Variants in PRPH observed in about 807,000 individuals in gnomAD.
PRPH encodes the protein peripherin, also known as neurofilament 4 (57kD).
In PRPH, 48 loss-of-function variants were observed where a neutral mutation model predicts 52.6. The ratio of observed to expected loss-of-function variants is 0.91; its 90% CI spans 0.72 to 1.16. PRPH has a LOEUF of 1.16. Ranked by LOEUF, PRPH falls within the 50% of genes most tolerant of loss-of-function variation. PRPH has a pLI of 0.00. For missense variants in PRPH, 579 were observed against 635.7 expected (o/e 0.91, Z 0.96); for synonymous variants, 279 against 283.8 (o/e 0.98, Z 0.17).
At position 49,298,270 on chromosome 12, in the gene PRPH, A is replaced by G. The variant is rs1943216328; in HGVS notation, c.1348-18A>G. 4 of 1,613,968 alleles carry G rather than the reference A, an allele frequency of 2.5e-6. No homozygotes were observed. Among genetic ancestry groups the G allele is most frequent in the Non-Finnish European group, 3.4e-6 (4 of 1,179,932 alleles). On this transcript the variant is annotated intron_variant, in intron 8 of 8. Coordinates refer to ENST00000257860, the MANE Select transcript of PRPH (RefSeq NM_006262.4). ...GCGCTGAATGGCTTGTGCCCATCAT[A>G]TGCCCTGTCCCCAGCAGGTGGTGAC...
Position 49,297,354 on chromosome 12 carries a change from C to T in PRPH, c.997-3C>T. The T allele has an allele frequency of 6.2e-7, 1 of 1,613,706 alleles. No individual in the cohort carries two copies. On this transcript the variant is annotated splice_polypyrimidine_tract_variant and splice_region_variant and intron_variant, in intron 5 of 8. Coordinates refer to ENST00000257860, the MANE Select transcript of PRPH (RefSeq NM_006262.4). The surrounding 1 kb of genome is among the most constrained non-coding windows in gnomAD (Gnocchi z 4.4). ...ACTGGCCCCTTCCACTCTCCTACCC[C>T]AGAACGAGGCGCTGCTCAGGCAGTT... is the stretch of plus-strand genomic sequence containing the variant.
At position 49,296,328 on chromosome 12, in the gene PRPH, G is replaced by A. The variant is rs1592296691; in HGVS notation, c.606+90G>A. On this transcript the variant is annotated intron_variant, in intron 2 of 8. Transcript: ENST00000257860. The surrounding 1 kb of genome is among the most constrained non-coding windows in gnomAD (Gnocchi z 5.1). Reference sequence around the variant, plus strand: ...GTGGCATCGGTGGGCGCGGGGAGAAGGGGGTAACCCAGATGCCTCCTGAGG... The same window carrying A: ...GTGGCATCGGTGGGCGCGGGGAGAAAGGGGTAACCCAGATGCCTCCTGAGG... 3 of 1,570,494 alleles carry A rather than the reference G, an allele frequency of 1.9e-6. No individual in the cohort carries two copies. Among genetic ancestry groups the A allele is most frequent in the East Asian group, 2.3e-5 (1 of 44,380 alleles).
rs1472154789 is a variant in PRPH at position 49,296,777 on chromosome 12, C to G, written c.703-112C>G. Reference sequence around the variant, plus strand: ...GCGCAGGGCTGTACGCCCTGCCCTCCCTGGCGCCCACTTCTGTTCGTTCAA... The same window carrying G: ...GCGCAGGGCTGTACGCCCTGCCCTCGCTGGCGCCCACTTCTGTTCGTTCAA... On this transcript the variant is annotated intron_variant, in intron 3 of 8. Transcript: ENST00000257860. This position sits in a 1 kb window ranked among gnomAD's most constrained non-coding sequence, Gnocchi z 5.1. 6.7e-7 allele frequency: 1 copy of G among 1,493,258 alleles called. No individual in the cohort carries two copies. The highest frequency in any genetic ancestry group is 9.0e-7 in the Non-Finnish European group (1 of 1,105,450). 92.5% of individuals were successfully genotyped at this position (1,493,258 alleles called of 1,614,324 possible). A position where few individuals can be genotyped will look rare whatever the true frequency, so the allele number is the denominator to read the frequency against.
rs374136491 is a variant in PRPH, at chr12:49,297,035, G to A, written c.849G>A (p.Ala283=). The A allele has an allele frequency of 1.4e-5, 22 of 1,613,750 alleles. No homozygotes were observed. Among genetic ancestry groups the A allele is most frequent in the Non-Finnish European group, 1.7e-5 (20 of 1,179,966 alleles). The stretch of plus-strand genomic sequence containing the variant: ...TCGCCGCGAAGAACCTGCAGGAGGC[G>A]GAGGAGTGGTACAAGTCCAAGGTGC... ...ESIAAKNLQE[A]EEWYKSKYAD... The change falls in exon 4 of 9, where the codon GCG becomes GCA. Residue 283 remains alanine (A), a synonymous_variant. Coordinates refer to ENST00000257860, the MANE Select transcript of PRPH (RefSeq NM_006262.4). The surrounding 1 kb of genome is among the most constrained non-coding windows in gnomAD (Gnocchi z 4.4).
intron 8 of PRPH, 109 bp from the exon 9 acceptor site, chr12:49,298,179 C>A: frequency 6.7e-7 from 1 of 1,489,806 alleles, no homozygotes; most frequent in Non-Finnish European, 9.3e-7. Flanking sequence ...GATAGATAAC[C>A]AGGAGCCTCT....
At position 49,297,347 on chromosome 12, in the gene PRPH, C is replaced by T. The variant is rs375933306; in HGVS notation, c.997-10C>T. The T allele has an allele frequency of 1.5e-5, 24 of 1,613,594 alleles. No individual in the cohort carries two copies. The highest frequency in any genetic ancestry group is 5.3e-5 in the African/African-American group (4 of 74,934). On this transcript the variant is annotated splice_polypyrimidine_tract_variant and intron_variant, in intron 5 of 8. Transcript: ENST00000257860. The surrounding 1 kb of genome is among the most constrained non-coding windows in gnomAD (Gnocchi z 4.4). The stretch of plus-strand genomic sequence containing the variant: ...TTCTGCAACTGGCCCCTTCCACTCT[C>T]CTACCCCAGAACGAGGCGCTGCTCA...
intron 1 of PRPH, 168 bp downstream of exon 1, chr12:49,295,913 T>C: frequency 6.9e-7 from 1 of 1,441,250 alleles, no homozygotes; most frequent in East Asian, 2.5e-5. Flanking sequence ...GGGCTCCAAG[T>C]GCCCCCCGCT....
Position 49,297,282 on chromosome 12 carries a change from G to C in PRPH, c.996+9G>C. The C allele has an allele frequency of 6.2e-7, 1 of 1,613,834 alleles. No individual in the cohort carries two copies. Among genetic ancestry groups the C allele is most frequent in the Non-Finnish European group, 8.5e-7 (1 of 1,179,960 alleles). ...ACGGGCTGCGCGGCACGGTGAGTAC[G>C]AAGCTGCGCGCTCGGGCCCGGGGAG... On this transcript the variant is annotated intron_variant, in intron 5 of 8. Transcript: ENST00000257860. The surrounding 1 kb of genome is among the most constrained non-coding windows in gnomAD (Gnocchi z 4.4).
Position 49,295,620 on chromosome 12 carries a change from C to T in PRPH, c.420C>T (p.Ala140=). 2 of 1,545,944 alleles carry T rather than the reference C, an allele frequency of 1.3e-6. No homozygotes were observed. Among genetic ancestry groups the T allele is most frequent in the South Asian group, 1.2e-5 (1 of 84,022 alleles). ...SQARGQEPAR[A]DQLCQQELRE... ...CCCGGGGCCAGGAGCCGGCGCGCGC[C>T]GACCAGCTGTGCCAGCAGGAGCTGC... Residue 140 remains alanine, a synonymous_variant, in exon 1 of 9, where the codon GCC becomes GCT. Coordinates refer to ENST00000257860, the MANE Select transcript of PRPH (RefSeq NM_006262.4).
rs749111327 is a variant in PRPH, at chr12:49,295,367, G to A, written c.167G>A (p.Arg56His). 18 of 1,608,946 alleles carry A rather than the reference G, an allele frequency of 1.1e-5. No homozygotes were observed. Among genetic ancestry groups the A allele is most frequent in the Non-Finnish European group, 4.2e-6 (5 of 1,178,706 alleles). The change falls in exon 1 of 9, where the codon CGC becomes CAC. Residue 56 changes from arginine to histidine, a missense_variant. Transcript: ENST00000257860. Reference protein sequence around the residue: ...LGSASPSSSVRLGSFRSPRAG... With the variant: ...LGSASPSSSVHLGSFRSPRAG... ...TCCGCGTCCCCGAGCTCCTCGGTGC[G>A]CCTGGGCAGCTTCCGTAGCCCCCGA...
Position 49,296,112 on chromosome 12 carries a change from G to A in PRPH, c.546-66G>A. ...AGCCTCTAACCGGATCCTGGGGGGC[G>A]TGCGGTCTGGGGTGCGAGCTGGGCG... On this transcript the variant is annotated intron_variant, in intron 1 of 8. Transcript: ENST00000257860. The surrounding 1 kb of genome is among the most constrained non-coding windows in gnomAD (Gnocchi z 5.1). The A allele has an allele frequency of 6.6e-7, 1 of 1,525,456 alleles. No homozygotes were observed. The allele number at this position is 1,525,456 out of a possible 1,614,324, so 94.5% of individuals were successfully genotyped here.
chr12:49,298,191 C>T, intron 8 of PRPH, 97 bp from the exon 9 acceptor site: 1 of 1,523,736 alleles, frequency 6.6e-7, no homozygotes, highest in Non-Finnish European at 9.0e-7. Context: ...GGAGCCTCTG[C>T]TGGTTACCCC....
At position 49,296,619 on chromosome 12, in the gene PRPH, C is replaced by A; in HGVS notation, c.702+92C>A. ...GGAGCGGAGGCATCGCCCTGGGGAT[C>A]AGGACGATGCTGGGTAGACGCAGCC... On this transcript the variant is annotated intron_variant, in intron 3 of 8. Coordinates refer to ENST00000257860, the MANE Select transcript of PRPH (RefSeq NM_006262.4). This position sits in a 1 kb window ranked among gnomAD's most constrained non-coding sequence, Gnocchi z 5.1. The A allele has an allele frequency of 7.9e-7, 1 of 1,264,730 alleles. No individual in the cohort carries two copies. The highest frequency in any genetic ancestry group is 1.1e-6 in the Non-Finnish European group (1 of 882,352). 78.3% of individuals were successfully genotyped at this position (1,264,730 alleles called of 1,614,324 possible).
Position 49,297,472 on chromosome 12 carries a change from A to G in PRPH, c.1112A>G (p.Glu371Gly). ...GAGGAGCTGCGACAGCTAAAAGAGG[A>G]GATGGCGCGGCACCTGAGGGAGTAC... ...LEEELRQLKE[E>G]MARHLREYQE... Residue 371 changes from glutamate to glycine, a missense_variant, in exon 6 of 9, where the codon GAG becomes GGG. Transcript: ENST00000257860. The surrounding 1 kb of genome is among the most constrained non-coding windows in gnomAD (Gnocchi z 4.4). 1 of 1,612,642 alleles carries G rather than the reference A, an allele frequency of 6.2e-7. No individual in the cohort carries two copies. Among genetic ancestry groups the G allele is most frequent in the Non-Finnish European group, 8.5e-7 (1 of 1,179,896 alleles).
rs142638678 is a variant in PRPH, at chr12:49,297,727, G to A, written c.1267+1G>A. The A allele has an allele frequency of 2.1e-5, 34 of 1,610,634 alleles. No homozygotes were observed. Among genetic ancestry groups the A allele is most frequent in the Non-Finnish European group, 2.8e-5 (33 of 1,177,568 alleles). On this transcript the variant is annotated splice_donor_variant, in intron 7 of 8. Coordinates refer to ENST00000257860, the MANE Select transcript of PRPH (RefSeq NM_006262.4). LOFTEE classifies it high-confidence loss of function. This position sits in a 1 kb window ranked among gnomAD's most constrained non-coding sequence, Gnocchi z 4.4. The stretch of plus-strand genomic sequence containing the variant: ...GCCTCCTTAAATATAAAGACGACTG[G>A]TGAGTCTGGCTTACAGCCTGTACCT...
Sources: allele counts gnomAD v4.1 joint callset, GRCh38; gene constraint gnomAD v4.1.1; non-coding constraint Gnocchi (gnomAD v3.1); transcripts MANE v1.5; gene names NCBI Gene and HGNC (gene_info 2026-07-23, HGNC 2026-07-21).